Variants in TXNDC12 observed in about 807,000 individuals in gnomAD.
TXNDC12 encodes thioredoxin domain containing 12, also known as thioredoxin domain-containing protein 12.
Under a neutral mutation model 24.2 loss-of-function variants are expected in TXNDC12, and 22 were observed. The observed-to-expected ratio is 0.91, with a 90% CI of 0.65 to 1.30. TXNDC12 has a LOEUF of 1.30. Ranked by LOEUF, TXNDC12 falls within the 50% of genes most tolerant of loss-of-function variation. The pLI is 0.00. For synonymous variants in TXNDC12, 58 were observed against 73.4 expected, an observed-to-expected ratio of 0.79 and a Z score of 1.07; for missense variants, 184 against 205.8, an observed-to-expected ratio of 0.89 and a Z score of 0.65.
chr1:52,029,440 A>C (rs981031872), intron 2 of TXNDC12, among the ~76,000 whole-genome samples: 7 of 152,236 alleles, frequency 4.6e-5, no homozygotes, highest in Non-Finnish European at 1.0e-4. Context: ...CACCCGAACC[A>C]GACTGGCTAG....
At chr1:52,033,753 G>C (rs1243365103) in intron 2 of TXNDC12, 1 of 1,598,010 alleles carries the variant, frequency 6.3e-7, no homozygotes, top group Non-Finnish European at 8.5e-7. Flanking sequence ...AAAACACCAC[G>C]AGCGGCATCC....
At chr1:52,041,103 C>A (rs551192034) in intron 2 of TXNDC12, among the ~76,000 whole-genome samples, 1 of 151,786 alleles carries the variant, frequency 6.6e-6, no homozygotes, top group African/African-American at 2.4e-5. Context: ...GAGGCCGAGG[C>A]GGGTGGATCA....
chr1:52,037,199 T>C (rs1455744623), intron 2 of TXNDC12, among the ~76,000 whole-genome samples: 5 of 148,990 alleles, frequency 3.4e-5, no homozygotes, highest in East Asian at 2.0e-4. Flanking sequence ...TGGAGGCAAA[T>C]AGACCACCTT....
At position 52,023,574 on chromosome 1, in the gene TXNDC12, T is replaced by A; in HGVS notation, c.356A>T (p.Asp119Val). The change falls in exon 6 of 7, where the codon GAT (aspartate) becomes GTT (valine). Residue 119 changes from aspartate (D) to valine (V), a missense_variant and splice_region_variant. Transcript: ENST00000371626. ...TTCAGGATGCACCTTGCCACTGGGA[T>A]CTGTTATAGACAAAATGACACAGAG... ...GGYIPRILFLDPSGKVHPEII... is the reference protein window; with the variant it reads ...GGYIPRILFLVPSGKVHPEII... 1 of 1,612,616 alleles carries A rather than the reference T, an allele frequency of 6.2e-7. No homozygotes were observed. Among genetic ancestry groups the A allele is most frequent in the Non-Finnish European group, 8.5e-7 (1 of 1,178,788 alleles).
At chr1:52,041,475 C>A (rs960549272) in intron 2 of TXNDC12, 62 bp downstream of exon 2, 1 of 1,217,354 alleles carries the variant, frequency 8.2e-7, no homozygotes, top group Non-Finnish European at 1.2e-6. Flanking sequence ...CTGAAATTAA[C>A]GTTAAGTTGA....
intron 2 of TXNDC12, chr1:52,032,196 T>C (rs1685774060): frequency 1.0e-6 from 1 of 985,400 alleles, no homozygotes; most frequent in African/African-American, 1.7e-5. Flanking sequence ...TACAAACCAA[T>C]GGATTTATCT....
At chr1:52,032,935 T>C (rs1685795696) in intron 2 of TXNDC12, 30 of 1,600,538 alleles carry the variant, frequency 1.9e-5, no homozygotes, top group Non-Finnish European at 2.5e-5. Context: ...ACTCGTGACC[T>C]GGTCCAACTG....
In TXNDC12 at chr1:52,020,802, G is replaced by A. The variant is rs775919690; in HGVS notation, c.*131C>T. Reference sequence around the variant, plus strand: ...AGCAGAACTCTTCCACAGTGAGAGCGCTCCTTCCAGTGTAGGTAGGAATGA... The same window carrying A: ...AGCAGAACTCTTCCACAGTGAGAGCACTCCTTCCAGTGTAGGTAGGAATGA... On this transcript the variant is annotated 3_prime_UTR_variant, in exon 7 of 7. Coordinates refer to ENST00000371626, the MANE Select transcript of TXNDC12 (RefSeq NM_015913.4). 147 of 676,638 alleles carry A rather than the reference G, an allele frequency of 2.2e-4. No individual in the cohort carries two copies. Among genetic ancestry groups the A allele is most frequent in the Non-Finnish European group, 3.4e-4 (135 of 394,756 alleles). 41.9% of individuals were successfully genotyped at this position (676,638 alleles called of 1,614,324 possible).
At chr1:52,032,240 A>C (rs1685775743) in intron 2 of TXNDC12, 1 of 987,062 alleles carries the variant, frequency 1.0e-6, no homozygotes, top group Non-Finnish European at 1.2e-6. Flanking sequence ...ACTAGCAAAA[A>C]GTCAGTACAG....
rs1686312896 is a variant in TXNDC12 at position 52,055,143 on chromosome 1, A to G, written c.-47T>C. ...CGGGGCTGAGCGGACGCAGGGCCGG[A>G]GTCCCAGCAGACGGTCCACACAGTT... On this transcript the variant is annotated 5_prime_UTR_variant, in exon 1 of 7. Coordinates refer to ENST00000371626, the MANE Select transcript of TXNDC12 (RefSeq NM_015913.4). The G allele has an allele frequency of 7.5e-7, 1 of 1,341,080 alleles. No individual in the cohort carries two copies. The highest frequency in any genetic ancestry group is 1.4e-5 in the African/African-American group (1 of 69,504). The allele number at this position is 1,341,080 out of a possible 1,614,324, so 83.1% of individuals were successfully genotyped here.
At chr1:52,044,472 G>C (rs1686051093) in intron 1 of TXNDC12, among the ~76,000 whole-genome samples, 1 of 152,286 alleles carries the variant, frequency 6.6e-6, no homozygotes, top group East Asian at 1.9e-4. Flanking sequence ...CAATGAAGAA[G>C]AACAACCATT....
intron 2 of TXNDC12, among the ~76,000 whole-genome samples, chr1:52,029,146 A>G (rs1685717468): frequency 6.6e-6 from 1 of 152,222 alleles, no homozygotes; most frequent in Non-Finnish European, 1.5e-5. Flanking sequence ...AAAATGTTAC[A>G]GTATTTCTAA....
intron 2 of TXNDC12, chr1:52,033,162 G>A (rs1026098465): frequency 3.1e-6 from 5 of 1,614,112 alleles, no homozygotes; most frequent in Admixed American, 1.7e-5. Context: ...AAAAGGCACC[G>A]GACCCATGCT....
At chr1:52,033,113 C>T in intron 2 of TXNDC12, 5 of 1,613,060 alleles carry the variant, frequency 3.1e-6, no homozygotes, top group Non-Finnish European at 4.2e-6. Context: ...TCGGGAGCCT[C>T]AAAGCGCAGC....
intron 2 of TXNDC12, 144 bp downstream of exon 2, chr1:52,041,393 A>G (rs1191536606): frequency 1.9e-6 from 1 of 522,190 alleles, no homozygotes; most frequent in Non-Finnish European, 3.4e-6. Context: ...TATAAATGTT[A>G]GCCATTATTA....
chr1:52,026,764 G>A (rs186583376), intron 4 of TXNDC12, among the ~76,000 whole-genome samples: 9 of 152,182 alleles, frequency 5.9e-5, no homozygotes, highest in African/African-American at 9.6e-5. Flanking sequence ...GGCCAAACGC[G>A]GTGGCTCACA....
intron 2 of TXNDC12, chr1:52,032,548 G>T: frequency 7.1e-7 from 1 of 1,401,328 alleles, no homozygotes; most frequent in Non-Finnish European, 9.2e-7. Context: ...CCTGGCACAG[G>T]GGTATGCAGG....
chr1:52,055,381 G>A (rs1424313832), upstream of TXNDC12: 3 of 421,526 alleles, frequency 7.1e-6, no homozygotes, highest in African/African-American at 2.0e-5. Context: ...TCCCGGGACG[G>A]AGCGGGAAAA....
chr1:52,047,386 G>A (rs1359403590), intron 1 of TXNDC12, among the ~76,000 whole-genome samples: 2 of 152,116 alleles, frequency 1.3e-5, no homozygotes, highest in African/African-American at 4.8e-5. Flanking sequence ...AAGAAGTATT[G>A]GAGATTTGAA....
Sources: allele counts gnomAD v4.1 joint callset (sites outside exome capture counted in the v4.1 genomes callset), GRCh38; gene constraint gnomAD v4.1.1; transcripts MANE v1.5; gene names NCBI Gene and HGNC (gene_info 2026-07-23, HGNC 2026-07-21).